The following GLUD1 variants were observed in gnomAD, a reference collection of about 807,000 sequenced individuals.
GLUD1 encodes the protein glutamate dehydrogenase 1.
A neutral mutation model predicts 56.0 loss-of-function variants in GLUD1; 22 were observed. The observed-to-expected ratio is 0.39, with a 90% confidence interval of 0.28 to 0.56. The LOEUF is 0.56. GLUD1 is among the 20% of genes least tolerant of loss of function. The pLI, the probability that GLUD1 is intolerant of heterozygous loss-of-function variation, is 0.58. For missense variants in GLUD1, 451 were observed against 732.0 expected (o/e 0.62, Z 4.43); for synonymous variants, 223 against 269.9 (o/e 0.83, Z 1.70).
intron 10 of GLUD1, 21 bp downstream of exon 10, chr10:87,059,129 A>T: frequency 1.9e-6 from 3 of 1,612,248 alleles, no homozygotes; most frequent in Non-Finnish European, 2.5e-6. Context: ...AGTTTTGGCG[A>T]ACAAGATTAT....
At chr10:87,088,489 C>T (rs1014257408) in intron 1 of GLUD1, among the ~76,000 whole-genome samples, 13 of 151,932 alleles carry the variant, frequency 8.6e-5, no homozygotes, top group African/African-American at 2.2e-4. Flanking sequence ...ACCTTCAATA[C>T]GAGTACATCA....
chr10:87,077,995 G>A (rs1343201176), intron 1 of GLUD1, among the ~76,000 whole-genome samples: 1 of 152,148 alleles, frequency 6.6e-6, no homozygotes, highest in Non-Finnish European at 1.5e-5. Context: ...CAGTTTGAGA[G>A]AACTTCCCTA....
Position 87,094,809 on chromosome 10 carries a change from A to C in GLUD1, c.-40T>G. On this transcript the variant is annotated 5_prime_UTR_variant, in exon 1 of 13. Transcript: ENST00000277865. This position sits in a 1 kb window ranked among gnomAD's most constrained non-coding sequence, Gnocchi z 6.6. Reference sequence around the variant, plus strand: ...GGGAGGTGCGTGATGGTCGCGAAACAGGCGCGCTTTCTCAGACTCCCCGCG... The same window carrying C: ...GGGAGGTGCGTGATGGTCGCGAAACCGGCGCGCTTTCTCAGACTCCCCGCG... The C allele has an allele frequency of 6.8e-7, 1 of 1,479,728 alleles. No individual in the cohort carries two copies. The allele number at this position is 1,479,728 out of a possible 1,614,324, so 91.7% of individuals were successfully genotyped here. A position where few individuals can be genotyped will look rare whatever the true frequency, so the allele number is the denominator to read the frequency against.
intron 8 of GLUD1, 191 bp downstream of exon 8, chr10:87,060,497 G>T: frequency 2.6e-6 from 2 of 755,034 alleles, no homozygotes; most frequent in Non-Finnish European, 4.5e-6. Context: ...TTTGGTAATG[G>T]TTGCACAACT....
At chr10:87,064,143 G>C in intron 5 of GLUD1, among the ~76,000 whole-genome samples, 1 of 152,152 alleles carries the variant, frequency 6.6e-6, no homozygotes, top group East Asian at 1.9e-4. Flanking sequence ...TCGATCTCCT[G>C]ACCTCGTGAT....
intron 1 of GLUD1, among the ~76,000 whole-genome samples, chr10:87,081,946 C>CAAAAAAAAAAAAAAAAA (rs71019464): frequency 1.9e-4 from 16 of 85,606 alleles, no homozygotes; most frequent in Non-Finnish European, 2.5e-4. Flanking sequence ...ATGATCAATA[C>CAAAAAAAAAAAAAAAAA]AAAAAAAAAA....
intron 1 of GLUD1, chr10:87,093,915 C>T: frequency 7.5e-7 from 1 of 1,333,402 alleles, no homozygotes; most frequent in South Asian, 1.2e-5. Context: ...TGACAGCTTG[C>T]ATTTAGGGGA....
intron 1 of GLUD1, among the ~76,000 whole-genome samples, chr10:87,084,667 T>C (rs1167749367): frequency 1.3e-5 from 2 of 152,196 alleles, no homozygotes; most frequent in Admixed American, 6.5e-5. Context: ...GTTCTCTTAA[T>C]AGGGTTTGAT....
At chr10:87,060,882 T>C (rs1389486240) in intron 7 of GLUD1, 33 bp downstream of exon 7, 1 of 1,613,754 alleles carries the variant, frequency 6.2e-7, no homozygotes, top group Admixed American at 1.7e-5. Flanking sequence ...AATATTTATA[T>C]TTAGTGTCTA....
chr10:87,062,799 T>C lies in GLUD1; in HGVS notation c.778A>G (p.Ile260Val). 1 of 1,614,172 alleles carries C rather than the reference T, an allele frequency of 6.2e-7. No individual in the cohort carries two copies. The highest frequency in any genetic ancestry group is 8.5e-7 in the Non-Finnish European group (1 of 1,180,020). Reference sequence around the variant, plus strand: ...CGTCCATGGATTCCCCCTTGGCTGATGGGTTTACCAGTAACACAGGCGTGT... The same window carrying C: ...CGTCCATGGATTCCCCCTTGGCTGACGGGTTTACCAGTAACACAGGCGTGT... ...NAHACVTGKP[I>V]SQGGIHGRIS... The change falls in exon 6 of 13, where the codon ATC becomes GTC. Residue 260 changes from isoleucine to valine, a missense_variant. Coordinates refer to ENST00000277865, the MANE Select transcript of GLUD1 (RefSeq NM_005271.5).
At chr10:87,092,050 A>G (rs142614020) in intron 1 of GLUD1, among the ~76,000 whole-genome samples, 44 of 152,326 alleles carry the variant, frequency 2.9e-4, no homozygotes, top group African/African-American at 1.0e-3. Flanking sequence ...AAAGGTTAAC[A>G]ATTTCTTAGA....
intron 1 of GLUD1, among the ~76,000 whole-genome samples, chr10:87,080,174 G>A (rs1589376990): frequency 6.6e-6 from 1 of 152,012 alleles, no homozygotes; most frequent in South Asian, 2.1e-4. Context: ...TCCTAACCGC[G>A]AGTGATCCGC....
intron 4 of GLUD1, among the ~76,000 whole-genome samples, chr10:87,070,205 C>A (rs1162908981): frequency 2.0e-5 from 3 of 152,234 alleles, no homozygotes; most frequent in Non-Finnish European, 4.4e-5. Flanking sequence ...GTAATCCCAG[C>A]ACTTTGGGAG....
At chr10:87,079,800 G>GA (rs1309798816) in intron 1 of GLUD1, among the ~76,000 whole-genome samples, 1 of 152,002 alleles carries the variant, frequency 6.6e-6, no homozygotes, top group Non-Finnish European at 1.5e-5. Flanking sequence ...ACAGGAGTTT[G>GA]AAAAAATGAC....
intron 5 of GLUD1, among the ~76,000 whole-genome samples, chr10:87,065,972 A>G (rs1741091811): frequency 6.6e-6 from 1 of 151,996 alleles, no homozygotes; most frequent in South Asian, 2.1e-4. Context: ...AAATGTCCCC[A>G]TTTCCACATT....
At position 87,068,043 on chromosome 10, in the gene GLUD1, G is replaced by A. The variant is rs769957864; in HGVS notation, c.741+20C>T. The A allele has an allele frequency of 1.4e-6, 2 of 1,417,202 alleles. No homozygotes were observed. Among genetic ancestry groups the A allele is most frequent in the Non-Finnish European group, 1.0e-6 (1 of 1,000,264 alleles). The allele number at this position is 1,417,202 out of a possible 1,614,324, so 87.8% of individuals were successfully genotyped here. On this transcript the variant is annotated intron_variant, in intron 5 of 12. Transcript: ENST00000277865. ...TAGACAGCAAATGCAGAAGCCTCGG[G>A]GCTTCCAGTGGGTACTCACATAGTG...
intron 1 of GLUD1, among the ~76,000 whole-genome samples, chr10:87,078,710 G>C (rs1235330368): frequency 6.6e-6 from 1 of 152,132 alleles, no homozygotes; most frequent in Non-Finnish European, 1.5e-5. Context: ...TACCTATCAT[G>C]AAAGGACTCA....
chr10:87,062,870 A>C, intron 5 of GLUD1, 35 bp from the exon 6 acceptor site: 3 of 1,586,566 alleles, frequency 1.9e-6, no homozygotes, highest in Non-Finnish European at 2.6e-6. Context: ...ATGAAATGTC[A>C]AGTCCAATTT....
chr10:87,093,921 G>A, intron 1 of GLUD1: 2 of 1,342,788 alleles, frequency 1.5e-6, no homozygotes, highest in South Asian at 1.2e-5. Flanking sequence ...CTTGCATTTA[G>A]GGGAGACTCA....
Sources: gnomAD v4.1 joint callset for allele counts (sites outside exome capture counted in the v4.1 genomes callset) on GRCh38, gnomAD v4.1.1 for gene constraint, Gnocchi (gnomAD v3.1) non-coding constraint, MANE v1.5 for transcripts, NCBI Gene and HGNC (gene_info 2026-07-23, HGNC 2026-07-21) for gene names.